Variants in FRMD6 observed in about 807,000 individuals in gnomAD.
FRMD6 encodes FERM domain containing 6, also known as FERM domain-containing protein 6.
FRMD6 carries 37 observed loss-of-function variants against 73.2 expected under a neutral mutation model. The ratio of observed to expected loss-of-function variants is 0.51; its 90% CI spans 0.39 to 0.66. FRMD6 has a LOEUF of 0.66. Among genes scored for constraint, FRMD6 ranks in the 30% least tolerant of loss-of-function variants. The probability of loss-of-function intolerance (pLI) is 0.00; values close to 1 mark genes in which losing one functional copy is unlikely to be tolerated. For synonymous variants in FRMD6, 273 were observed against 282.2 expected (o/e 0.97, Z 0.33); for missense variants, 714 against 780.5 (o/e 0.91, Z 1.02).
chr14:51,702,420 A>G (rs766193928), intron 4 of FRMD6, 92 bp from the exon 5 acceptor site: 16 of 993,682 alleles, frequency 1.6e-5, no homozygotes, highest in Middle Eastern at 2.1e-4. Flanking sequence ...ATCAAAAAGT[A>G]TCTTGCAAAT....
At chr14:51,705,004 C>G (rs2140472361) in intron 6 of FRMD6, 69 bp downstream of exon 6, 4 of 1,380,392 alleles carry the variant, frequency 2.9e-6, no homozygotes, top group Admixed American at 2.2e-5. Flanking sequence ...TGTTGCTACT[C>G]ATACTCTTTA....
At chr14:51,626,279 T>C (rs1891112268) in intron 2 of FRMD6, among the ~76,000 whole-genome samples, 1 of 152,172 alleles carries the variant, frequency 6.6e-6, no homozygotes. Flanking sequence ...TGTCTTATTT[T>C]GGAGGGGTTG....
chr14:51,490,716 T>G (rs971134959), intron 1 of FRMD6, among the ~76,000 whole-genome samples: 2 of 152,148 alleles, frequency 1.3e-5, no homozygotes, highest in Non-Finnish European at 2.9e-5. Flanking sequence ...CGCAGAGTTT[T>G]AGTGCAGTTA....
rs543610783 is a variant in FRMD6 at position 51,728,472 on chromosome 14, C to T, written c.*443C>T. Reference sequence around the variant, plus strand: ...TTTGGGAGAGGAAAGAGGGAAGATTCTCTCTTCTTTTAACAGAGAGATGAT... The same window carrying T: ...TTTGGGAGAGGAAAGAGGGAAGATTTTCTCTTCTTTTAACAGAGAGATGAT... On this transcript the variant is annotated 3_prime_UTR_variant, in exon 14 of 14. Coordinates refer to ENST00000344768, the MANE Select transcript of FRMD6 (RefSeq NM_001267046.2). 9.1e-5 allele frequency: 16 copies of T among 174,886 alleles called. No homozygotes were observed. In the South Asian group the frequency reaches 1.5e-3, roughly 16 times the overall value. 10.8% of individuals were successfully genotyped at this position (174,886 alleles called of 1,614,324 possible).
At chr14:51,677,297 G>A (rs976663972) in intron 1 of FRMD6, among the ~76,000 whole-genome samples, 1 of 151,988 alleles carries the variant, frequency 6.6e-6, no homozygotes, top group African/African-American at 2.4e-5. Flanking sequence ...TATTTCAGGG[G>A]AAAATAAGTA....
At chr14:51,437,980 C>G in the FRMD6 span, among the ~76,000 whole-genome samples, 1 of 152,170 alleles carries the variant, frequency 6.6e-6, no homozygotes, top group Admixed American at 6.5e-5. Flanking sequence ...ACCTTGGGCT[C>G]AGAGAGTACA....
chr14:51,678,042 A>G (rs1894514530), intron 1 of FRMD6, among the ~76,000 whole-genome samples: 1 of 152,056 alleles, frequency 6.6e-6, no homozygotes, highest in South Asian at 2.1e-4. Flanking sequence ...CTATTTATAA[A>G]TTTCGCTTAT....
chr14:51,531,694 T>C (rs1269428239), intron 1 of FRMD6, among the ~76,000 whole-genome samples: 1 of 152,238 alleles, frequency 6.6e-6, no homozygotes, highest in Non-Finnish European at 1.5e-5. Context: ...TCAAGTTCAG[T>C]TTGACAAAAA....
the FRMD6 span, among the ~76,000 whole-genome samples, chr14:51,475,008 A>G: frequency 6.6e-6 from 1 of 152,210 alleles, no homozygotes; most frequent in East Asian, 1.9e-4. Context: ...AGTGAGCTAG[A>G]CAGTCTGAAT....
chr14:51,619,199 T>G (rs1311001798), intron 2 of FRMD6, among the ~76,000 whole-genome samples: 1 of 151,998 alleles, frequency 6.6e-6, no homozygotes, highest in African/African-American at 2.4e-5. Flanking sequence ...ATATACATAG[T>G]ATCTATACAG....
the FRMD6 span, among the ~76,000 whole-genome samples, chr14:51,433,894 T>C: frequency 6.6e-5 from 10 of 152,238 alleles, no homozygotes; most frequent in Admixed American, 3.9e-4. Flanking sequence ...GTATTTTGAC[T>C]ATATACTATA....
At chr14:51,497,234 C>A (rs960496902) in intron 1 of FRMD6, among the ~76,000 whole-genome samples, 3 of 137,894 alleles carry the variant, frequency 2.2e-5, no homozygotes, top group Admixed American at 7.3e-5. Flanking sequence ...TCTGAAATAA[C>A]TTTTTTTTTT....
In FRMD6 at chr14:51,586,585, C is replaced by G. The variant is rs148130751; in HGVS notation, c.-147+16175C>G. 4.9e-3 allele frequency among the ~76,000 whole-genome samples: 740 copies of G among 152,164 alleles called. 4 individuals carry two copies. Among genetic ancestry groups the G allele is most frequent in the African/African-American group, 0.017 (708 of 41,526 alleles). ...CAGAAGCCTTTTAATTTAATTAACTCTCATTTGTCTATTTTTGTTTTTGTT... is the reference window on the plus strand; with the variant it reads ...CAGAAGCCTTTTAATTTAATTAACTGTCATTTGTCTATTTTTGTTTTTGTT... On this transcript the variant is annotated intron_variant, in intron 2 of 14. Transcript: ENST00000356218.
At chr14:51,683,299 T>G (rs1419307431) in intron 1 of FRMD6, among the ~76,000 whole-genome samples, 2 of 152,168 alleles carry the variant, frequency 1.3e-5, no homozygotes, top group South Asian at 4.1e-4. Context: ...AGACAGAGCC[T>G]TGCTCTGTTG....
intron 2 of FRMD6, chr14:51,637,871 T>G (rs946032909): frequency 6.6e-6 from 1 of 152,208 alleles, no homozygotes; most frequent in East Asian, 1.9e-4. Flanking sequence ...CCATTCCAAT[T>G]TAACTCATCT....
At chr14:51,444,183 C>T in the FRMD6 span, among the ~76,000 whole-genome samples, 14 of 152,342 alleles carry the variant, frequency 9.2e-5, no homozygotes, top group South Asian at 2.9e-3. Flanking sequence ...CCCGCCTTGG[C>T]CTCCCAAAGT....
At chr14:51,546,071 A>G (rs188492350) in intron 1 of FRMD6, among the ~76,000 whole-genome samples, 3 of 152,328 alleles carry the variant, frequency 2.0e-5, no homozygotes, top group Non-Finnish European at 2.9e-5. Flanking sequence ...ATAGAAAATG[A>G]TAAAATAATA....
At chr14:51,490,644 C>T (rs911970188) in intron 1 of FRMD6, among the ~76,000 whole-genome samples, 8 of 60,692 alleles carry the variant, frequency 1.3e-4, no homozygotes, top group Non-Finnish European at 1.8e-4. Flanking sequence ...GTATAAAATG[C>T]GAAATTTCTT....
chr14:51,711,830 A>G (rs1203167209), intron 8 of FRMD6, among the ~76,000 whole-genome samples: 2 of 152,234 alleles, frequency 1.3e-5, no homozygotes, highest in African/African-American at 2.4e-5. Flanking sequence ...ACAGAAAACA[A>G]TAAGTCAAAG....
Sources: allele counts gnomAD v4.1 joint callset (sites outside exome capture counted in the v4.1 genomes callset), GRCh38; gene constraint gnomAD v4.1.1; transcripts MANE v1.5; gene names NCBI Gene and HGNC (gene_info 2026-07-23, HGNC 2026-07-21).